The following WNT16 variants were observed in gnomAD, a reference collection of about 807,000 sequenced individuals.
WNT16 encodes the protein Wnt family member 16, also known as protein Wnt-16.
Under a neutral mutation model 35.4 loss-of-function variants are expected in WNT16, and 20 were observed. That is an observed-to-expected ratio of 0.56 (90% CI 0.40 to 0.82). The LOEUF (loss-of-function observed/expected upper bound fraction) is 0.82, where lower values mean the gene tolerates loss of function less well. Ranked by LOEUF, WNT16 falls within the 40% of genes least tolerant of loss-of-function variation. The pLI is 0.00. For missense variants in WNT16, 461 were observed against 466.0 expected (o/e 0.99, Z 0.10); for synonymous variants, 180 against 179.2 (o/e 1.00, Z -0.03).
At chr7:121,335,869 C>T (rs536985334) in intron 3 of WNT16, among the ~76,000 whole-genome samples, 2 of 151,964 alleles carry the variant, frequency 1.3e-5, no homozygotes, top group African/African-American at 4.8e-5. Context: ...ATCATAAGTA[C>T]CTGCTTATTA....
At chr7:121,329,900 C>A in intron 2 of WNT16, 83 bp downstream of exon 2, 1 of 1,531,638 alleles carries the variant, frequency 6.5e-7, no homozygotes, top group Admixed American at 1.9e-5. Context: ...GTAAATAGTG[C>A]TACGTGGTCC....
chr7:121,329,039 G>C lies in WNT16; in HGVS notation c.-254G>C, dbSNP rs943221946. On this transcript the variant is annotated 5_prime_UTR_variant, in exon 1 of 4. Transcript: ENST00000222462. Reference sequence around the variant, plus strand: ...ACCTAGGAATGCGAGGGGCGCTCCCGCATCTCCTGCACATCTCCACCCCTG... The same window carrying C: ...ACCTAGGAATGCGAGGGGCGCTCCCCCATCTCCTGCACATCTCCACCCCTG... 84 of 1,228,214 alleles carry C rather than the reference G, an allele frequency of 6.8e-5. No homozygotes were observed. Among genetic ancestry groups the C allele is most frequent in the Non-Finnish European group, 8.2e-5 (81 of 984,028 alleles). The allele number at this position is 1,228,214 out of a possible 1,614,324, so 76.1% of individuals were successfully genotyped here.
Position 121,329,334 on chromosome 7 carries a change from G to C in WNT16, c.42G>C (p.Ala14=), listed in dbSNP as rs143603966. 5 of 1,600,336 alleles carry C rather than the reference G, an allele frequency of 3.1e-6. No individual in the cohort carries two copies. In the African/African-American group the frequency reaches 6.7e-5, roughly 21 times the overall value. The change falls in exon 1 of 4, where the codon GCG becomes GCC. Residue 14 remains alanine, a synonymous_variant. Transcript: ENST00000222462. ...AALLGLARLC[A]LWAALLVLFP... The stretch of plus-strand genomic sequence containing the variant: ...TCCTGGGACTGGCCCGCTTGTGCGC[G>C]CTGTGGGCAGCCCTGCTCGTGCTGT...
intron 2 of WNT16, among the ~76,000 whole-genome samples, chr7:121,331,052 G>A (rs914185738): frequency 2.0e-5 from 3 of 152,142 alleles, no homozygotes; most frequent in Non-Finnish European, 4.4e-5. Flanking sequence ...TTGCCTTTAA[G>A]ACTGTAAGAG....
Position 121,338,982 on chromosome 7 carries a change from T to C in WNT16, c.735T>C (p.Ile245=), listed in dbSNP as rs1230629370. Residue 245 remains isoleucine (I), a synonymous_variant, in exon 4 of 4, where the codon ATT becomes ATC. Transcript: ENST00000222462. Reference sequence around the variant, plus strand: ...AAACCATGTCTTCTTTTGAAAAGATTGGCCATTTGTTGAAGGATAAATATG... The same window carrying C: ...AAACCATGTCTTCTTTTGAAAAGATCGGCCATTTGTTGAAGGATAAATATG... ...CWKTMSSFEK[I]GHLLKDKYEN... 3 of 1,614,116 alleles carry C rather than the reference T, an allele frequency of 1.9e-6. No homozygotes were observed. The highest frequency in any genetic ancestry group is 2.5e-6 in the Non-Finnish European group (3 of 1,180,002).
At chr7:121,325,527 T>G (rs369334984), upstream of WNT16, 8 of 1,574,154 alleles carry the variant, frequency 5.1e-6, no homozygotes, top group African/African-American at 8.2e-5. Context: ...TTTCAATGTT[T>G]CAATGGAGAG....
chr7:121,336,607 C>T (rs528287189), intron 3 of WNT16, among the ~76,000 whole-genome samples: 10 of 152,218 alleles, frequency 6.6e-5, no homozygotes, highest in East Asian at 1.9e-4. Flanking sequence ...AGAGCCCAGC[C>T]GGCTCAAAAC....
intron 3 of WNT16, among the ~76,000 whole-genome samples, chr7:121,335,279 C>T (rs954109869): frequency 7.9e-5 from 12 of 152,178 alleles, no homozygotes; most frequent in East Asian, 3.9e-4. Flanking sequence ...TGGAACCAAT[C>T]AGTTCTTAAA....
upstream of WNT16, chr7:121,328,931 AG>A (rs1480033724): frequency 2.8e-6 from 2 of 703,548 alleles, no homozygotes; most frequent in South Asian, 6.5e-5. Context: ...TCAGCCAATC[AG>A]GCTCCAGGCG....
chr7:121,328,951 G>C (rs1793287512), upstream of WNT16: 1 of 915,834 alleles, frequency 1.1e-6, no homozygotes. Flanking sequence ...CGCGGCCAGG[G>C]GGAGGAGATG....
chr7:121,328,968 G>A, upstream of WNT16: 1 of 1,047,516 alleles, frequency 9.5e-7, no homozygotes, highest in Non-Finnish European at 1.2e-6. Context: ...GATGGGAGGA[G>A]AGGCCGGGGG....
At chr7:121,331,998 G>C (rs1396460837) in intron 3 of WNT16, 34 bp downstream of exon 3, 1 of 1,602,408 alleles carries the variant, frequency 6.2e-7, no homozygotes, top group Admixed American at 1.7e-5. Flanking sequence ...TCAAAACCCA[G>C]TGCTGTTAGG....
chr7:121,333,286 C>T (rs963582927), intron 3 of WNT16, among the ~76,000 whole-genome samples: 2 of 151,804 alleles, frequency 1.3e-5, no homozygotes, highest in Non-Finnish European at 1.5e-5. Context: ...ACAAGTTACT[C>T]CCAGTTTTCT....
intron 2 of WNT16, among the ~76,000 whole-genome samples, chr7:121,330,716 A>G (rs929248040): frequency 1.7e-4 from 19 of 109,578 alleles, no homozygotes; most frequent in Admixed American, 5.5e-4. Context: ...CGTAGAGAGA[A>G]AAAAAAAAAA....
intron 3 of WNT16, 122 bp downstream of exon 3, chr7:121,332,086 A>G (rs182737891): frequency 8.7e-7 from 1 of 1,144,798 alleles, no homozygotes; most frequent in Admixed American, 2.7e-5. Flanking sequence ...CTCAAGTGGG[A>G]TCCTGAAAAT....
At chr7:121,337,287 T>C (rs539804203) in intron 3 of WNT16, among the ~76,000 whole-genome samples, 45 of 152,328 alleles carry the variant, frequency 3.0e-4, no homozygotes, top group Admixed American at 7.8e-4. Context: ...ATCAATACCA[T>C]ATGCTCTTAT....
rs767636460 is a variant in WNT16 at position 121,338,830 on chromosome 7, G to T, written c.634-51G>T. The stretch of plus-strand genomic sequence containing the variant: ...TTAGATTAACTGTGCTTCTGTTGTT[G>T]AGTAAAACACTTTATGATTGATAGT... On this transcript the variant is annotated intron_variant, in intron 3 of 3. Coordinates refer to ENST00000222462, the MANE Select transcript of WNT16 (RefSeq NM_057168.2). 1.5e-5 allele frequency: 22 copies of T among 1,495,866 alleles called. No individual in the cohort carries two copies. Among genetic ancestry groups the T allele is most frequent in the Non-Finnish European group, 1.8e-5 (20 of 1,099,642 alleles). The allele number at this position is 1,495,866 out of a possible 1,614,324, so 92.7% of individuals were successfully genotyped here.
In WNT16 at chr7:121,329,691, G is replaced by T. The variant is rs773495451; in HGVS notation, c.220G>T (p.Ala74Ser). 5.0e-6 allele frequency: 8 copies of T among 1,613,736 alleles called. No homozygotes were observed. The highest frequency in any genetic ancestry group is 5.9e-6 in the Non-Finnish European group (7 of 1,179,886). The change falls in exon 2 of 4, where the codon GCC (alanine) becomes TCC (serine). Residue 74 changes from alanine to serine, a missense_variant. Ala to Ser is a moderately conservative substitution (Grantham distance 99). Coordinates refer to ENST00000222462, the MANE Select transcript of WNT16 (RefSeq NM_057168.2). ...CCTGCTGCCGAGCATCCGAGAGGGCGCCCGGCTGGGCATTCAGGAGTGCGG... is the reference window on the plus strand; with the variant it reads ...CCTGCTGCCGAGCATCCGAGAGGGCTCCCGGCTGGGCATTCAGGAGTGCGG... ...PYLLPSIREG[A>S]RLGIQECGSQ...
rs878887501 is a variant in WNT16, at chr7:121,331,564, A to G, written c.347-114A>G. The stretch of plus-strand genomic sequence containing the variant: ...TAAATATGTACTCGTTAACGCATCC[A>G]TTGTAAGCAACTGAAAAATTACTTG... On this transcript the variant is annotated intron_variant, in intron 2 of 3. Coordinates refer to ENST00000222462, the MANE Select transcript of WNT16 (RefSeq NM_057168.2). 3 of 932,930 alleles carry G rather than the reference A, an allele frequency of 3.2e-6. No individual in the cohort carries two copies. The South Asian group carries it at 5.2e-5, about 16-fold the overall frequency. The allele number at this position is 932,930 out of a possible 1,614,324, so 57.8% of individuals were successfully genotyped here.
Sources: gnomAD v4.1 joint callset for allele counts (sites outside exome capture counted in the v4.1 genomes callset) on GRCh38, gnomAD v4.1.1 for gene constraint, MANE v1.5 for transcripts, NCBI Gene and HGNC (gene_info 2026-07-23, HGNC 2026-07-21) for gene names.